Variants in DDX10 observed in about 807,000 individuals in gnomAD.
DDX10 encodes probable ATP-dependent RNA helicase DDX10.
In DDX10, 74 loss-of-function variants were observed where a neutral mutation model predicts 104.3. The ratio of observed to expected loss-of-function variants is 0.71; its 90% CI spans 0.59 to 0.86. The LOEUF is 0.86. DDX10 is among the 40% of genes least tolerant of loss of function. The pLI, the probability that DDX10 is intolerant of heterozygous loss-of-function variation, is 0.00. For missense variants in DDX10, 952 were observed against 1,040.0 expected, an observed-to-expected ratio of 0.92 and a Z score of 1.16; for synonymous variants, 351 against 353.4, an observed-to-expected ratio of 0.99 and a Z score of 0.08.
intron 16 of DDX10, among the ~76,000 whole-genome samples, chr11:108,887,922 GAAAAAAA>G (rs1211257053): frequency 2.8e-5 from 4 of 141,926 alleles, no homozygotes; most frequent in African/African-American, 7.8e-5. Context: ...CTGAAAAAAA[GAAAAAAA>G]AAGAAAAAAG....
intron 13 of DDX10, among the ~76,000 whole-genome samples, chr11:108,725,880 A>G (rs971499285): frequency 7.2e-5 from 11 of 151,840 alleles, no homozygotes; most frequent in Admixed American, 3.9e-4. Context: ...ATTTTCTCCT[A>G]TGTTCTCGTC....
intron 13 of DDX10, among the ~76,000 whole-genome samples, chr11:108,747,446 G>C (rs1273312165): frequency 6.6e-6 from 1 of 152,098 alleles, no homozygotes; most frequent in East Asian, 1.9e-4. Context: ...GTTTTGACAT[G>C]ATCATTGCTT....
chr11:108,719,630 G>C (rs2094295798), intron 11 of DDX10, among the ~76,000 whole-genome samples, 167 bp from the exon 12 acceptor site: 1 of 152,130 alleles, frequency 6.6e-6, no homozygotes, highest in Non-Finnish European at 1.5e-5. Flanking sequence ...TAATATTACA[G>C]TTCTAAAAGG....
chr11:108,789,423 T>C, intron 13 of DDX10, among the ~76,000 whole-genome samples: 1 of 152,256 alleles, frequency 6.6e-6, no homozygotes, highest in East Asian at 1.9e-4. Context: ...AAGATTATTG[T>C]ATATACTCTG....
chr11:108,690,176 A>G (rs1310634829), intron 7 of DDX10: 1 of 152,256 alleles, frequency 6.6e-6, no homozygotes, highest in South Asian at 2.1e-4. Flanking sequence ...CAACAAAACA[A>G]TAAACTTCAC....
intron 16 of DDX10, among the ~76,000 whole-genome samples, chr11:108,900,965 G>A (rs551000692): frequency 5.3e-5 from 8 of 152,010 alleles, no homozygotes; most frequent in Non-Finnish European, 8.8e-5. Flanking sequence ...ACCTCTACAT[G>A]TTCCATTCCT....
chr11:108,890,795 A>C (rs1863365688), intron 16 of DDX10, among the ~76,000 whole-genome samples: 1 of 152,148 alleles, frequency 6.6e-6, no homozygotes, highest in East Asian at 1.9e-4. Context: ...ATGAGGGAGG[A>C]ACCGTGGAAA....
Position 108,940,468 on chromosome 11 carries a change from G to A in DDX10, c.*45G>A. 6.3e-7 allele frequency: 1 copy of A among 1,591,028 alleles called. No homozygotes were observed. The highest frequency in any genetic ancestry group is 8.6e-7 in the Non-Finnish European group (1 of 1,168,182). On this transcript the variant is annotated 3_prime_UTR_variant, in exon 18 of 18. Coordinates refer to ENST00000322536, the MANE Select transcript of DDX10 (RefSeq NM_004398.4). ...TCTCCTTGAAACCTTGGTTATGACT[G>A]CGTAGGCAAGAAGTTGAAAAACAGT... is the stretch of plus-strand genomic sequence containing the variant.
At chr11:108,834,564 C>G (rs1176423762) in intron 13 of DDX10, among the ~76,000 whole-genome samples, 2 of 152,104 alleles carry the variant, frequency 1.3e-5, no homozygotes, top group Non-Finnish European at 2.9e-5. Flanking sequence ...ATGTTCTTTC[C>G]TAGTACTTTT....
At position 108,940,566 on chromosome 11, in the gene DDX10, T is replaced by C; in HGVS notation, c.*143T>C. On this transcript the variant is annotated 3_prime_UTR_variant, in exon 18 of 18. Transcript: ENST00000322536. ...ATTTCTGGATAGAAGCGATCGTATC[T>C]CCAAGTCCCTCTCACAGGACATGCT... 1 of 718,978 alleles carries C rather than the reference T, an allele frequency of 1.4e-6. No homozygotes were observed. The highest frequency in any genetic ancestry group is 2.0e-5 in the South Asian group (1 of 49,092). 44.5% of individuals were successfully genotyped at this position (718,978 alleles called of 1,614,324 possible). A position where few individuals can be genotyped will look rare whatever the true frequency, so the allele number is the denominator to read the frequency against.
chr11:108,785,463 A>G (rs1026142797), intron 13 of DDX10, among the ~76,000 whole-genome samples: 1 of 152,198 alleles, frequency 6.6e-6, no homozygotes, highest in Non-Finnish European at 1.5e-5. Context: ...GGTTCATAGA[A>G]TGAGTTAAGG....
intron 13 of DDX10, among the ~76,000 whole-genome samples, chr11:108,812,628 G>A (rs1862198846): frequency 6.6e-6 from 1 of 151,934 alleles, no homozygotes; most frequent in Non-Finnish European, 1.5e-5. Context: ...ATTGATTATA[G>A]CATGTGCTAA....
chr11:108,673,966 C>G (rs2094220504), intron 2 of DDX10, among the ~76,000 whole-genome samples: 1 of 152,128 alleles, frequency 6.6e-6, no homozygotes, highest in African/African-American at 2.4e-5. Context: ...GGATTTGTTC[C>G]AGGCCTCCTT....
chr11:108,794,062 C>T (rs1861906922), intron 13 of DDX10, among the ~76,000 whole-genome samples: 1 of 152,056 alleles, frequency 6.6e-6, no homozygotes, highest in African/African-American at 2.4e-5. Flanking sequence ...AGCACATATT[C>T]TTCATCCATT....
intron 13 of DDX10, among the ~76,000 whole-genome samples, chr11:108,742,130 T>C (rs543578231): frequency 6.6e-4 from 101 of 151,938 alleles, no homozygotes; most frequent in Non-Finnish European, 1.2e-3. Flanking sequence ...TGTGGTGGTG[T>C]GTGCCTATAA....
At position 108,900,218 on chromosome 11, in the gene DDX10, GA is replaced by G. The variant is rs1356473815; in HGVS notation, c.2305-17654del. Among the ~76,000 whole-genome samples, 3 of 152,122 alleles carry G rather than the reference GA, an allele frequency of 2.0e-5. No homozygotes were observed. In the East Asian group the frequency reaches 5.8e-4, roughly 29 times the overall value. Reference sequence around the variant, plus strand: ...TCCACTGCGATTGTAAGCTTCCTGAGACCTCACTAGTGTGATGCTTCTTGTA... The same window carrying G: ...TCCACTGCGATTGTAAGCTTCCTGAGCCTCACTAGTGTGATGCTTCTTGTA... On this transcript the variant is annotated intron_variant, in intron 16 of 17. Transcript: ENST00000322536.
intron 13 of DDX10, among the ~76,000 whole-genome samples, chr11:108,738,111 T>G (rs1172088933): frequency 6.6e-6 from 1 of 151,882 alleles, no homozygotes; most frequent in Non-Finnish European, 1.5e-5. Context: ...TGTTTTGTTT[T>G]CTTTGCATCT....
At chr11:108,835,294 TG>T (rs1311016888) in intron 13 of DDX10, among the ~76,000 whole-genome samples, 3 of 152,176 alleles carry the variant, frequency 2.0e-5, no homozygotes, top group African/African-American at 7.2e-5. Context: ...ATAAGCATAG[TG>T]GTGGAGAGAG....
chr11:108,850,612 G>GA (rs1330950816), intron 15 of DDX10, among the ~76,000 whole-genome samples: 4 of 150,286 alleles, frequency 2.7e-5, no homozygotes, highest in Non-Finnish European at 4.4e-5. Flanking sequence ...AATGCTGTCA[G>GA]AAAAAAAAAT....
Sources: gnomAD v4.1 joint callset for allele counts (sites outside exome capture counted in the v4.1 genomes callset) on GRCh38, gnomAD v4.1.1 for gene constraint, MANE v1.5 for transcripts, NCBI Gene and HGNC (gene_info 2026-07-23, HGNC 2026-07-21) for gene names.